FRMD1: variants seen among roughly 807,000 people sequenced by gnomAD.
The protein encoded by FRMD1 is FERM domain containing 1.
In FRMD1, 51 loss-of-function variants were observed where a neutral mutation model predicts 54.9. The observed-to-expected ratio is 0.93, with a 90% CI of 0.74 to 1.17. The LOEUF is 1.17. Ranked by LOEUF, FRMD1 falls within the 50% of genes most tolerant of loss-of-function variation. FRMD1 has a pLI of 0.00. For synonymous variants in FRMD1, 324 were observed against 306.4 expected, an observed-to-expected ratio of 1.06 and a Z score of -0.60; for missense variants, 729 against 743.0, an observed-to-expected ratio of 0.98 and a Z score of 0.22.
At chr6:168,069,679 CT>C (rs1800203281) in intron 2 of FRMD1, among the ~76,000 whole-genome samples, 1 of 152,206 alleles carries the variant, frequency 6.6e-6, no homozygotes, top group African/African-American at 2.4e-5. Context: ...AAATGAACTC[CT>C]TAAGCTTAGT....
chr6:168,088,171 G>T (rs12191515), intron 1 of FRMD1, among the ~76,000 whole-genome samples: 1 of 152,210 alleles, frequency 6.6e-6, no homozygotes, highest in Non-Finnish European at 1.5e-5. Flanking sequence ...GGTGGGGGAC[G>T]TCAGGGCCCA....
rs1266642305 is a variant in FRMD1, at chr6:168,067,348, C to T, written c.384+19G>A. 1.3e-6 allele frequency: 2 copies of T among 1,542,698 alleles called. No individual in the cohort carries two copies. Among genetic ancestry groups the T allele is most frequent in the Non-Finnish European group, 1.8e-6 (2 of 1,129,466 alleles). On this transcript the variant is annotated intron_variant, in intron 3 of 10. Coordinates refer to ENST00000283309, the MANE Select transcript of FRMD1 (RefSeq NM_024919.6). ...CCACCGCGGTGCCTGCCCTCTCCCA[C>T]CCGACACTCTACACTTACTTCATTT...
At chr6:168,072,274 C>T (rs1583194852) in intron 2 of FRMD1, among the ~76,000 whole-genome samples, 1 of 152,186 alleles carries the variant, frequency 6.6e-6, no homozygotes, top group African/African-American at 2.4e-5. Flanking sequence ...TCTGGGGGAC[C>T]CCCACACTCC....
chr6:168,091,448 T>A (rs986210270), intron 1 of FRMD1, among the ~76,000 whole-genome samples: 4 of 152,158 alleles, frequency 2.6e-5, no homozygotes, highest in African/African-American at 7.2e-5. Context: ...TCCTCGCCCC[T>A]CCTCTTGTCT....
At chr6:168,073,803 G>A (rs1375323495) in intron 2 of FRMD1, among the ~76,000 whole-genome samples, 2 of 152,156 alleles carry the variant, frequency 1.3e-5, no homozygotes, top group Non-Finnish European at 2.9e-5. Flanking sequence ...GACACTGGGA[G>A]GATGGAGTGT....
upstream of FRMD1, among the ~76,000 whole-genome samples, chr6:168,080,677 C>T (rs1190920735): frequency 1.3e-5 from 2 of 152,148 alleles, no homozygotes; most frequent in Admixed American, 6.5e-5. Context: ...GGCAGAACAC[C>T]ACCGGCACAC....
upstream of FRMD1, chr6:168,081,375 T>C (rs1206211650): frequency 6.5e-7 from 1 of 1,534,590 alleles, no homozygotes; most frequent in Non-Finnish European, 8.7e-7. Context: ...ACTGGCCTGT[T>C]CGTGATGGAA....
chr6:168,060,789 G>A lies in FRMD1; in HGVS notation c.1314C>T (p.Ser438=). 6.2e-7 allele frequency: 1 copy of A among 1,611,782 alleles called. No individual in the cohort carries two copies. Among genetic ancestry groups the A allele is most frequent in the Non-Finnish European group, 8.5e-7 (1 of 1,178,552 alleles). The change falls in exon 9 of 11, where the codon AGC becomes AGT. Residue 438 remains serine (S), a synonymous_variant. Transcript: ENST00000283309. ...EPSSSPRTSR[S]HPSTRGDSQA... is the part of the protein sequence containing the mutation. Reference sequence around the variant, plus strand: ...GGCTGTCACCACGTGTGCTGGGGTGGCTGCGGCTGGTCCTGGGGCTGGAGG... The same window carrying A: ...GGCTGTCACCACGTGTGCTGGGGTGACTGCGGCTGGTCCTGGGGCTGGAGG...
intron 1 of FRMD1, among the ~76,000 whole-genome samples, chr6:168,091,895 A>AT (rs1801021688): frequency 8.5e-6 from 1 of 117,794 alleles, no homozygotes; most frequent in Non-Finnish European, 1.8e-5. Flanking sequence ...ACTCCGGATC[A>AT]GGTGTCACTA....
At chr6:168,081,239 A>G (rs1450531335), upstream of FRMD1, 1 of 1,032,580 alleles carries the variant, frequency 9.7e-7, no homozygotes, top group Non-Finnish European at 1.3e-6. Context: ...ACCTCCCGCC[A>G]GGGCACTGAG....
At chr6:168,077,830 C>A (rs1053986139) in intron 1 of FRMD1, among the ~76,000 whole-genome samples, 6 of 152,232 alleles carry the variant, frequency 3.9e-5, no homozygotes, top group African/African-American at 1.4e-4. Flanking sequence ...TATGACCCCT[C>A]CCCCAGCCCG....
intron 1 of FRMD1, chr6:168,075,820 G>T: frequency 6.5e-7 from 1 of 1,547,136 alleles, no homozygotes; most frequent in Non-Finnish European, 8.7e-7. Flanking sequence ...TAAACACCCA[G>T]CGTCTGGTGC....
chr6:168,064,750 C>T, intron 5 of FRMD1, 121 bp downstream of exon 5: 2 of 1,456,548 alleles, frequency 1.4e-6, no homozygotes, highest in African/African-American at 2.8e-5. Context: ...GTTTCCATCC[C>T]TGACCCTTGC....
At chr6:168,058,464 T>C (rs1263859152) in intron 10 of FRMD1, among the ~76,000 whole-genome samples, 3 of 149,592 alleles carry the variant, frequency 2.0e-5, no homozygotes, top group African/African-American at 7.5e-5. Flanking sequence ...TCACGATAAC[T>C]AATCAGCCAC....
At chr6:168,090,993 C>A (rs1478864986) in intron 1 of FRMD1, among the ~76,000 whole-genome samples, 1 of 152,190 alleles carries the variant, frequency 6.6e-6, no homozygotes, top group Non-Finnish European at 1.5e-5. Flanking sequence ...CACTGGCCAC[C>A]CAAGCGGACT....
Position 168,059,354 on chromosome 6 carries a change from C to G in FRMD1, c.1343-166G>C, listed in dbSNP as rs1799597024. On this transcript the variant is annotated intron_variant, in intron 9 of 10. Transcript: ENST00000283309. The surrounding 1 kb of genome is among the most constrained non-coding windows in gnomAD (Gnocchi z 4.4). ...GCGGTGACTGCTTTTGCTCCATTCC[C>G]CGACATCTGATAAAACGGCCCCTTG... Among the ~76,000 whole-genome samples the G allele has an allele frequency of 6.6e-6, 1 of 152,194 alleles. No homozygotes were observed. The highest frequency in any genetic ancestry group is 1.5e-5 in the Non-Finnish European group (1 of 68,036).
At position 168,059,031 on chromosome 6, in the gene FRMD1, C is replaced by T. The variant is rs1216049242; in HGVS notation, c.1407+93G>A. 11 of 994,064 alleles carry T rather than the reference C, an allele frequency of 1.1e-5. No homozygotes were observed. The highest frequency in any genetic ancestry group is 1.5e-5 in the Non-Finnish European group (10 of 660,566). 61.6% of individuals were successfully genotyped at this position (994,064 alleles called of 1,614,324 possible). A position where few individuals can be genotyped will look rare whatever the true frequency, so the allele number is the denominator to read the frequency against. On this transcript the variant is annotated intron_variant, in intron 10 of 10. Transcript: ENST00000283309. The surrounding 1 kb of genome is among the most constrained non-coding windows in gnomAD (Gnocchi z 4.4). ...GTCAGTCGAGGGACCCTCTGATAGG[C>T]CTAGGAAGGTCCCCAGGGCCCCTGA...
At position 168,061,814 on chromosome 6, in the gene FRMD1, C is replaced by A; in HGVS notation, c.1038G>T (p.Glu346Asp). The change falls in exon 8 of 11, where the codon GAG (glutamate) becomes GAT (aspartate). Residue 346 changes from glutamate to aspartate, a missense_variant. By Grantham distance (45) the Glu-to-Asp change is conservative. Coordinates refer to ENST00000283309, the MANE Select transcript of FRMD1 (RefSeq NM_024919.6). The part of the protein sequence containing the change: ...PTLQQLRQRE[E>D]AEEKQHYRES... ...TACCCAGCCCAGCCCCACCTTCTGCCTCCTCCCGCTGCCGCAGCTGTTGCA... is the reference window on the plus strand; with the variant it reads ...TACCCAGCCCAGCCCCACCTTCTGCATCCTCCCGCTGCCGCAGCTGTTGCA... The A allele has an allele frequency of 2.6e-6, 4 of 1,554,104 alleles. No homozygotes were observed. The highest frequency in any genetic ancestry group is 3.5e-6 in the Non-Finnish European group (4 of 1,150,446).
chr6:168,083,443 G>A (rs1373158438), upstream of FRMD1, among the ~76,000 whole-genome samples: 1 of 152,252 alleles, frequency 6.6e-6, no homozygotes, highest in Admixed American at 6.5e-5. Flanking sequence ...GTGATTCAGA[G>A]AAAGGAGCCG....
Sources: gnomAD v4.1 joint callset for allele counts (sites outside exome capture counted in the v4.1 genomes callset) on GRCh38, gnomAD v4.1.1 for gene constraint, Gnocchi (gnomAD v3.1) non-coding constraint, MANE v1.5 for transcripts, NCBI Gene and HGNC (gene_info 2026-07-23, HGNC 2026-07-21) for gene names.